UBXN7: variants seen among roughly 807,000 people sequenced by gnomAD.
The protein encoded by UBXN7 is UBX domain protein 7.
In UBXN7, 9 loss-of-function variants were observed where a neutral mutation model predicts 58.0. That is an observed-to-expected ratio of 0.16 (90% confidence interval 0.09 to 0.27). The LOEUF is 0.27. UBXN7 is among the 10% of genes least tolerant of loss of function. The pLI, the probability that UBXN7 is intolerant of heterozygous loss-of-function variation, is 1.00. For missense variants in UBXN7, 328 were observed against 599.6 expected (o/e 0.55, Z 4.73); for synonymous variants, 208 against 205.0 (o/e 1.01, Z -0.12).
chr3:196,406,321 C>T (rs1327313093), intron 2 of UBXN7, among the ~76,000 whole-genome samples: 1 of 152,074 alleles, frequency 6.6e-6, no homozygotes, highest in African/African-American at 2.4e-5. Flanking sequence ...GCATGAGCCA[C>T]CATGCCTGGA....
intron 6 of UBXN7, among the ~76,000 whole-genome samples, chr3:196,371,387 T>A (rs1323139937): frequency 7.9e-5 from 12 of 152,134 alleles, no homozygotes; most frequent in Admixed American, 7.9e-4. Context: ...ACAGTTAATT[T>A]CATCTATTTT....
At chr3:196,427,202 G>C (rs1006177791) in intron 1 of UBXN7, among the ~76,000 whole-genome samples, 9 of 152,188 alleles carry the variant, frequency 5.9e-5, no homozygotes, top group African/African-American at 2.2e-4. Context: ...TATATGTGTA[G>C]TGGATGTCAG....
At chr3:196,416,386 G>A (rs1730487758) in intron 1 of UBXN7, among the ~76,000 whole-genome samples, 1 of 152,016 alleles carries the variant, frequency 6.6e-6, no homozygotes, top group East Asian at 1.9e-4. Context: ...AGCTGAAATT[G>A]CGCCACTGCA....
chr3:196,382,974 G>C (rs1488474406), intron 5 of UBXN7, among the ~76,000 whole-genome samples: 1 of 152,028 alleles, frequency 6.6e-6, no homozygotes, highest in African/African-American at 2.4e-5. Flanking sequence ...AAATTAGCTG[G>C]GCGTGGTGGC....
At chr3:196,430,948 C>T (rs1328856146) in intron 1 of UBXN7, among the ~76,000 whole-genome samples, 1 of 152,148 alleles carries the variant, frequency 6.6e-6, no homozygotes, top group Non-Finnish European at 1.5e-5. Context: ...TATCATGCAA[C>T]TCCTCACCCC....
At chr3:196,408,626 A>C (rs150125790) in intron 1 of UBXN7, among the ~76,000 whole-genome samples, 2 of 152,106 alleles carry the variant, frequency 1.3e-5, no homozygotes, top group East Asian at 3.9e-4. Context: ...AAATGCTCTT[A>C]AGTTTTTGTC....
At chr3:196,429,819 C>T (rs1232222383) in intron 1 of UBXN7, among the ~76,000 whole-genome samples, 11 of 152,168 alleles carry the variant, frequency 7.2e-5, no homozygotes, top group Admixed American at 5.2e-4. Flanking sequence ...AAGGTATTTT[C>T]GCTCTGTAGA....
Position 196,349,873 on chromosome 3 carries a change from T to C in UBXN7, c.*6812A>G, listed in dbSNP as rs1728171933. On this transcript the variant is annotated 3_prime_UTR_variant, in exon 11 of 11. Coordinates refer to ENST00000296328, the MANE Select transcript of UBXN7 (RefSeq NM_015562.2). ...AATAACTTCTTTTGATGAGAAAAAA[T>C]ATTACTTAGGTTTAGTCCAGCTTAG... 1 of 152,158 alleles carries C rather than the reference T, an allele frequency of 6.6e-6. No homozygotes were observed. Among genetic ancestry groups the C allele is most frequent in the African/African-American group, 2.4e-5 (1 of 41,432 alleles). The allele number at this position is 152,158 out of a possible 1,614,324, so 9.4% of individuals were successfully genotyped here.
chr3:196,419,321 T>TAAATAAATAAATAAATAAAC (rs139881636), intron 1 of UBXN7, among the ~76,000 whole-genome samples: 68 of 150,320 alleles, frequency 4.5e-4, no homozygotes, highest in Non-Finnish European at 8.3e-4. Context: ...AATAAATAAA[T>TAAATAAATAAATAAATAAAC]AAACAATGTG....
chr3:196,417,173 C>T (rs942339676), intron 1 of UBXN7, among the ~76,000 whole-genome samples: 23 of 152,132 alleles, frequency 1.5e-4, no homozygotes, highest in Middle Eastern at 3.4e-3. Context: ...ATTAGCCGGG[C>T]GTGGTGGCGG....
intron 1 of UBXN7, among the ~76,000 whole-genome samples, chr3:196,417,172 G>A (rs1730518461): frequency 6.6e-6 from 1 of 152,150 alleles, no homozygotes; most frequent in Non-Finnish European, 1.5e-5. Flanking sequence ...AATTAGCCGG[G>A]CGTGGTGGCG....
intron 5 of UBXN7, among the ~76,000 whole-genome samples, chr3:196,375,004 G>GAGGGAGGAAGGAAGGAAGGACGGA: frequency 2.7e-5 from 1 of 37,532 alleles, no homozygotes; most frequent in Non-Finnish European, 4.7e-5. Context: ...GGGAGGGAGG[G>GAGGGAGGAAGGAAGGAAGGACGGA]AGGAAGGAAG....
chr3:196,392,801 T>C (rs1051426253), intron 4 of UBXN7, among the ~76,000 whole-genome samples: 1 of 152,078 alleles, frequency 6.6e-6, no homozygotes, highest in African/African-American at 2.4e-5. Flanking sequence ...AGACTCCATC[T>C]CAAAAATAAA....
chr3:196,362,517 A>T lies in UBXN7; in HGVS notation c.1005T>A (p.Ser335=), dbSNP rs1331770775. The change falls in exon 9 of 11, where the codon TCT becomes TCA. Residue 335 remains serine (S), a synonymous_variant. Coordinates refer to ENST00000296328, the MANE Select transcript of UBXN7 (RefSeq NM_015562.2). ...GATTCTCTACCTCTTCTTCTTCATC[A>T]GAGCCACAAACGGATATGAACTCCT... The part of the protein sequence containing the change: ...GSEEFISVCG[S]DEEEEVENLA... 6.2e-7 allele frequency: 1 copy of T among 1,614,208 alleles called. No individual in the cohort carries two copies. The highest frequency in any genetic ancestry group is 8.5e-7 in the Non-Finnish European group (1 of 1,180,050).
rs1577432424 is a variant in UBXN7, at chr3:196,362,274, T to C, written c.1228+20A>G. The C allele has an allele frequency of 6.4e-7, 1 of 1,563,214 alleles. No individual in the cohort carries two copies. The highest frequency in any genetic ancestry group is 2.2e-5 in the East Asian group (1 of 44,550). On this transcript the variant is annotated intron_variant, in intron 9 of 10. Transcript: ENST00000296328. ...CCCAATATCTAAGTTTGAAGTAAAG[T>C]ATGTCTAAATGTAACTTACCATTTA...
chr3:196,367,477 C>T (rs536301477), intron 8 of UBXN7, among the ~76,000 whole-genome samples: 4 of 152,156 alleles, frequency 2.6e-5, no homozygotes, highest in Non-Finnish European at 5.9e-5. Flanking sequence ...AAACAAAAAA[C>T]ACCACTTCCA....
chr3:196,399,090 A>G (rs758075703), intron 3 of UBXN7, among the ~76,000 whole-genome samples: 2 of 152,204 alleles, frequency 1.3e-5, no homozygotes, highest in Non-Finnish European at 2.9e-5. Flanking sequence ...ATGTTCCATG[A>G]AAAAAGCTGC....
chr3:196,404,349 G>A lies in UBXN7; in HGVS notation c.222-1330C>T, dbSNP rs367886975. ...ATGATCTCGGCTCACTGCAAGCTCC[G>A]CCTCCCAGGTTCACGCCATTCTCCT... On this transcript the variant is annotated intron_variant, in intron 2 of 10. Transcript: ENST00000296328. Among the ~76,000 whole-genome samples, 20 of 143,508 alleles carry A rather than the reference G, an allele frequency of 1.4e-4. 1 individual carries two copies. In the East Asian group the frequency reaches 2.2e-3, roughly 16 times the overall value. The allele number at this position is 143,508 out of a possible 152,430, so 94.1% of individuals were successfully genotyped here.
At chr3:196,397,931 CTG>C (rs1729826426) in intron 3 of UBXN7, among the ~76,000 whole-genome samples, 1 of 152,224 alleles carries the variant, frequency 6.6e-6, no homozygotes, top group Admixed American at 6.5e-5. Flanking sequence ...TTAAAACCCA[CTG>C]TACTATGTGG....
Sources: allele counts gnomAD v4.1 joint callset (sites outside exome capture counted in the v4.1 genomes callset), GRCh38; gene constraint gnomAD v4.1.1; transcripts MANE v1.5; gene names NCBI Gene and HGNC (gene_info 2026-07-23, HGNC 2026-07-21).